NFKBID: variants seen among roughly 807,000 people sequenced by gnomAD.
The protein encoded by NFKBID is NF-kappa-B inhibitor delta.
NFKBID carries 26 observed loss-of-function variants against 53.4 expected under a neutral mutation model. The ratio of observed to expected loss-of-function variants is 0.49; its 90% CI spans 0.36 to 0.68. The LOEUF is 0.68. Among genes scored for constraint, NFKBID ranks in the 30% least tolerant of loss-of-function variants. The pLI, the probability that NFKBID is intolerant of heterozygous loss-of-function variation, is 0.00. For missense variants in NFKBID, 493 were observed against 614.1 expected (o/e 0.80, Z 2.08); for synonymous variants, 262 against 259.8 (o/e 1.01, Z -0.08).
rs770539892 is a variant in NFKBID at position 35,896,173 on chromosome 19, G to A, written c.883+45C>T. 4.5e-5 allele frequency: 72 copies of A among 1,612,820 alleles called. No homozygotes were observed. Among genetic ancestry groups the A allele is most frequent in the Non-Finnish European group, 5.7e-5 (67 of 1,179,518 alleles). ...AGGGACCCGCATCTGCACCCACCTC[G>A]CCCAGCCACACCAACCACACCAGCC... On this transcript the variant is annotated intron_variant, in intron 8 of 11. Transcript: ENST00000641389. The surrounding 1 kb of genome is among the most constrained non-coding windows in gnomAD (Gnocchi z 5.7).
intron 9 of NFKBID, among the ~76,000 whole-genome samples, chr19:35,891,643 C>A (rs1974771576): frequency 1.3e-5 from 2 of 151,904 alleles, no homozygotes. Flanking sequence ...CCAAGGAGGG[C>A]GGATCACTTG....
Position 35,896,561 on chromosome 19 carries a change from G to C in NFKBID, c.685-23C>G. ...GGTCTGCAGGCCACAGGAGAAGTCAGGTTGGGCTCCTGGTTCCCTCCCGTC... is the reference window on the plus strand; with the variant it reads ...GGTCTGCAGGCCACAGGAGAAGTCACGTTGGGCTCCTGGTTCCCTCCCGTC... On this transcript the variant is annotated intron_variant, in intron 6 of 11. Coordinates refer to ENST00000641389, the Ensembl canonical transcript of NFKBID. This position sits in a 1 kb window ranked among gnomAD's most constrained non-coding sequence, Gnocchi z 5.7. The C allele has an allele frequency of 2.5e-6, 4 of 1,612,584 alleles. No homozygotes were observed. Among genetic ancestry groups the C allele is most frequent in the Non-Finnish European group, 3.4e-6 (4 of 1,178,984 alleles).
upstream of NFKBID, chr19:35,901,964 G>C: frequency 1.7e-6 from 1 of 575,198 alleles, no homozygotes; most frequent in South Asian, 2.0e-5. Flanking sequence ...TGTTGTGATA[G>C]GGGCAGAATC....
intron 9 of NFKBID, among the ~76,000 whole-genome samples, chr19:35,893,957 T>TA (rs1974958448): frequency 6.6e-6 from 1 of 152,012 alleles, no homozygotes. Context: ...ATTCTTTAAC[T>TA]AAAAAAACAT....
chr19:35,898,404 C>A, intron 3 of NFKBID, 68 bp downstream of exon 3: 1 of 1,018,138 alleles, frequency 9.8e-7, no homozygotes, highest in South Asian at 1.4e-5. Context: ...TCCCAAAGTT[C>A]TGAGAGCTGC....
At chr19:35,889,286 C>T (rs973571679) in intron 11 of NFKBID, among the ~76,000 whole-genome samples, 1 of 151,012 alleles carries the variant, frequency 6.6e-6, no homozygotes, top group African/African-American at 2.4e-5. Flanking sequence ...AGCCCAGGAG[C>T]TCGAGGCTGC....
chr19:35,896,190 A>G lies in NFKBID; in HGVS notation c.883+28T>C, dbSNP rs369452992. Reference sequence around the variant, plus strand: ...CCCACCTCGCCCAGCCACACCAACCACACCAGCCCTGCCCACACCCAACTT... The same window carrying G: ...CCCACCTCGCCCAGCCACACCAACCGCACCAGCCCTGCCCACACCCAACTT... On this transcript the variant is annotated intron_variant, in intron 8 of 11. Coordinates refer to ENST00000641389, the Ensembl canonical transcript of NFKBID. This position sits in a 1 kb window ranked among gnomAD's most constrained non-coding sequence, Gnocchi z 5.7. 1.2e-6 allele frequency: 2 copies of G among 1,614,074 alleles called. No individual in the cohort carries two copies. Among genetic ancestry groups the G allele is most frequent in the Non-Finnish European group, 1.7e-6 (2 of 1,179,952 alleles).
chr19:35,899,833 T>G (rs1975448868), intron 1 of NFKBID: 1 of 152,244 alleles, frequency 6.6e-6, no homozygotes. Flanking sequence ...CGCAAGGGAA[T>G]CTTCCATCCT....
chr19:35,900,166 A>G lies in NFKBID; in HGVS notation c.61+276T>C, dbSNP rs551836648. On this transcript the variant is annotated intron_variant, in intron 1 of 11. Coordinates refer to ENST00000641389, the Ensembl canonical transcript of NFKBID. ...CAACCCCTAGCACCTCCAAGGACCCAGAGATCCAGCCTCCCAAGCCTCCCA... is the reference window on the plus strand; with the variant it reads ...CAACCCCTAGCACCTCCAAGGACCCGGAGATCCAGCCTCCCAAGCCTCCCA... Among the ~76,000 whole-genome samples the G allele has an allele frequency of 1.9e-3, 265 of 140,678 alleles. 2 individuals are homozygous for G. The highest frequency in any genetic ancestry group is 6.7e-3 in the African/African-American group (241 of 35,996). 92.3% of individuals were successfully genotyped at this position (140,678 alleles called of 152,430 possible).
At chr19:35,894,341 A>G (rs147517608) in intron 9 of NFKBID, among the ~76,000 whole-genome samples, 74 of 152,258 alleles carry the variant, frequency 4.9e-4, no homozygotes, top group Middle Eastern at 3.4e-3. Context: ...AAAGGAACAG[A>G]ACATAATTAA....
At chr19:35,889,566 C>T (rs973620536) in intron 11 of NFKBID, among the ~76,000 whole-genome samples, 1 of 151,066 alleles carries the variant, frequency 6.6e-6, no homozygotes, top group African/African-American at 2.4e-5. Context: ...GGTCAGGACC[C>T]AAGGTTAGGG....
At chr19:35,897,809 T>A in exon 4 of NFKBID, 2 of 1,589,162 alleles carry the variant, frequency 1.3e-6, no homozygotes, top group Non-Finnish European at 1.7e-6. Context: ...CCCAGGCTGC[T>A]AGGTCCAGAA....
chr19:35,894,874 T>C (rs1274465849), intron 9 of NFKBID, among the ~76,000 whole-genome samples: 1 of 151,902 alleles, frequency 6.6e-6, no homozygotes, highest in African/African-American at 2.4e-5. Flanking sequence ...GAACCTGTAA[T>C]CCCAGTTACT....
chr19:35,900,746 GC>G, upstream of NFKBID: 1 of 780,018 alleles, frequency 1.3e-6, no homozygotes, highest in African/African-American at 1.8e-5. Flanking sequence ...CTCTGAAGGA[GC>G]CTAGGGCACC....
At chr19:35,892,543 C>CAAAAAAAAAAAAAAAAAAAAAAAAAAA (rs112001334) in intron 9 of NFKBID, among the ~76,000 whole-genome samples, 45 of 112,262 alleles carry the variant, frequency 4.0e-4, no homozygotes, top group African/African-American at 1.5e-3. Context: ...GACTCCATCT[C>CAAAAAAAAAAAAAAAAAAAAAAAAAAA]AAAAAAAAAA....
chr19:35,894,119 C>T (rs555065416), intron 9 of NFKBID, among the ~76,000 whole-genome samples: 7 of 151,574 alleles, frequency 4.6e-5, no homozygotes, highest in Non-Finnish European at 8.8e-5. Context: ...ATTAGCCAAG[C>T]GTGGTGGTGC....
chr19:35,901,890 A>AG (rs1975577172), upstream of NFKBID: 3 of 438,822 alleles, frequency 6.8e-6, no homozygotes, highest in Non-Finnish European at 1.3e-5. Context: ...CCATGCTCTC[A>AG]GGGGTCCCCT....
upstream of NFKBID, chr19:35,902,138 T>G (rs1975581793): frequency 8.5e-6 from 6 of 702,636 alleles, no homozygotes; most frequent in Admixed American, 1.0e-4. Flanking sequence ...TGTCAGGCAT[T>G]TCCAACCCTG....
exon 12 of NFKBID, chr19:35,888,273 C>T: frequency 2.5e-6 from 1 of 394,666 alleles, no homozygotes; most frequent in South Asian, 3.2e-5. Context: ...CGAAAGATCT[C>T]AGTGGGGAAA....
Sources: allele counts gnomAD v4.1 joint callset (sites outside exome capture counted in the v4.1 genomes callset), GRCh38; gene constraint gnomAD v4.1.1; non-coding constraint Gnocchi (gnomAD v3.1); transcripts MANE v1.5; gene names NCBI Gene and HGNC (gene_info 2026-07-23, HGNC 2026-07-21).